TBKBP1: variants seen among roughly 807,000 people sequenced by gnomAD.
The protein encoded by TBKBP1 is TANK-binding kinase 1-binding protein 1.
A neutral mutation model predicts 69.9 loss-of-function variants in TBKBP1; 47 were observed. The observed-to-expected ratio is 0.67, with a 90% CI of 0.53 to 0.86. The LOEUF (loss-of-function observed/expected upper bound fraction) is 0.86. Ranked by LOEUF, TBKBP1 falls within the 40% of genes least tolerant of loss-of-function variation. The pLI is 0.00. For missense variants in TBKBP1, 831 were observed against 858.6 expected (o/e 0.97, Z 0.40); for synonymous variants, 418 against 390.3 (o/e 1.07, Z -0.84).
At chr17:47,707,823 C>T (rs1423437370) in intron 7 of TBKBP1, among the ~76,000 whole-genome samples, 1 of 152,220 alleles carries the variant, frequency 6.6e-6, no homozygotes, top group Non-Finnish European at 1.5e-5. Context: ...GCCAGGAAAC[C>T]ATCTTCACTT....
Position 47,698,697 on chromosome 17 carries a change from C to T in TBKBP1, c.556C>T (p.Pro186Ser), listed in dbSNP as rs765675944. 4 of 1,606,010 alleles carry T rather than the reference C, an allele frequency of 2.5e-6. No homozygotes were observed. The South Asian group carries it at 3.4e-5, about 13-fold the overall frequency. Residue 186 changes from proline to serine, a missense_variant, in exon 5 of 10, where the codon CCG becomes TCG. Physicochemically the swap from Pro to Ser is moderately conservative, Grantham distance 74 (BLOSUM62 -1). Coordinates refer to ENST00000578982, the MANE Select transcript of TBKBP1 (RefSeq NM_001394755.1). ...QDAAFSNLSP[P>S]PAPAPPCTDL... ...TGCAGCCTTCTCCAACCTGAGCCCA[C>T]CGCCAGCCCCCGCCCCTCCCTGCAC...
At position 47,710,905 on chromosome 17, in the gene TBKBP1, C is replaced by T. The variant is rs1369965603; in HGVS notation, c.*279C>T. On this transcript the variant is annotated 3_prime_UTR_variant, in exon 10 of 10. Coordinates refer to ENST00000578982, the MANE Select transcript of TBKBP1 (RefSeq NM_001394755.1). ...ATGGGGACGGCATACCCCTCCCAGG[C>T]CTCTCCCTCTGCCTTTCTGTTCTTA... 2.1e-5 allele frequency: 7 copies of T among 338,580 alleles called. No homozygotes were observed. Among genetic ancestry groups the T allele is most frequent in the African/African-American group, 1.3e-4 (6 of 47,522 alleles). 21.0% of individuals were successfully genotyped at this position (338,580 alleles called of 1,614,324 possible). A position where few individuals can be genotyped will look rare whatever the true frequency, so the allele number is the denominator to read the frequency against.
At chr17:47,696,361 C>A in intron 2 of TBKBP1, 24 bp downstream of exon 2, 6 of 1,607,440 alleles carry the variant, frequency 3.7e-6, no homozygotes, top group Non-Finnish European at 4.2e-6. Context: ...GAGGAGGGCG[C>A]CTGATAGAGT....
chr17:47,709,273 C>T lies in TBKBP1; in HGVS notation c.1540C>T (p.Leu514=), dbSNP rs1257891584. The T allele has an allele frequency of 6.6e-7, 1 of 1,524,430 alleles. No homozygotes were observed. The highest frequency in any genetic ancestry group is 8.7e-7 in the Non-Finnish European group (1 of 1,144,156). The allele number at this position is 1,524,430 out of a possible 1,614,324, so 94.4% of individuals were successfully genotyped here. The change falls in exon 9 of 10, where the codon CTG becomes TTG. Residue 514 remains leucine (L), a synonymous_variant. Coordinates refer to ENST00000578982, the MANE Select transcript of TBKBP1 (RefSeq NM_001394755.1). ...GCGGCGCGCCTTCGAGGGCATCCGG[C>T]TGCGCTTCGAGAAGCAGCCGTCGGA... The part of the protein sequence containing the change: ...SPRRAFEGIR[L]RFEKQPSEED...
intron 7 of TBKBP1, among the ~76,000 whole-genome samples, chr17:47,701,388 C>G (rs1306000737): frequency 6.6e-6 from 1 of 152,174 alleles, no homozygotes; most frequent in Admixed American, 6.5e-5. Context: ...CTCTCTCTCT[C>G]TCTCTCTCAC....
chr17:47,696,233 C>T lies in TBKBP1; in HGVS notation c.121C>T (p.His41Tyr). The change falls in exon 2 of 10, where the codon CAC (histidine) becomes TAC (tyrosine). Residue 41 changes from histidine (H) to tyrosine (Y), a missense_variant. Physicochemically the swap from His to Tyr is moderately conservative, Grantham distance 83 (BLOSUM62 2). Transcript: ENST00000578982. Reference protein sequence around the residue: ...SLGGDMCSASHFALITAYGDI... With the variant: ...SLGGDMCSASYFALITAYGDI... Reference sequence around the variant, plus strand: ...TGGGGGCGACATGTGCTCCGCCTCCCACTTTGCCCTCATCACTGCTTACGG... The same window carrying T: ...TGGGGGCGACATGTGCTCCGCCTCCTACTTTGCCCTCATCACTGCTTACGG... The T allele has an allele frequency of 6.2e-7, 1 of 1,613,766 alleles. No homozygotes were observed. The highest frequency in any genetic ancestry group is 1.7e-5 in the Admixed American group (1 of 60,024).
At position 47,698,650 on chromosome 17, in the gene TBKBP1, G is replaced by A. The variant is rs181655124; in HGVS notation, c.509G>A (p.Arg170Gln). 269 of 1,602,570 alleles carry A rather than the reference G, an allele frequency of 1.7e-4. No homozygotes were observed. In the East Asian group the frequency reaches 4.3e-3, roughly 25 times the overall value. The change falls in exon 5 of 10, where the codon CGG becomes CAG. Residue 170 changes from arginine (R) to glutamine (Q), a missense_variant. Physicochemically the swap from Arg to Gln is conservative, Grantham distance 43 (BLOSUM62 1). Transcript: ENST00000578982. ...ATCTGTGGTTTGGAGCAGCAGCTGC[G>A]GCAACAGCAAGGCCTCCAGGATGCA... ...RQICGLEQQL[R>Q]QQQGLQDAAF...
At chr17:47,694,549 G>T (rs1245325177) in intron 1 of TBKBP1, 1 of 152,190 alleles carries the variant, frequency 6.6e-6, no homozygotes, top group Non-Finnish European at 1.5e-5. Context: ...CTCTTAAAGG[G>T]GCCGCAGGAG....
At chr17:47,699,742 A>G in intron 7 of TBKBP1, 45 bp downstream of exon 7, 1 of 1,603,950 alleles carries the variant, frequency 6.2e-7, no homozygotes, top group African/African-American at 1.4e-5. Context: ...TGTTTGGGAG[A>G]CCTCCCCTCC....
chr17:47,699,217 C>A, intron 5 of TBKBP1, 103 bp from the exon 6 acceptor site: 1 of 1,278,086 alleles, frequency 7.8e-7, no homozygotes, highest in Non-Finnish European at 1.0e-6. Context: ...GCTGTCCTGG[C>A]TTCTCTCTTG....
Position 47,710,870 on chromosome 17 carries a change from T to A in TBKBP1, c.*244T>A. 1 of 456,694 alleles carries A rather than the reference T, an allele frequency of 2.2e-6. No individual in the cohort carries two copies. The highest frequency in any genetic ancestry group is 3.9e-6 in the Non-Finnish European group (1 of 259,700). The allele number at this position is 456,694 out of a possible 1,614,324, so 28.3% of individuals were successfully genotyped here. A position where few individuals can be genotyped will look rare whatever the true frequency, so the allele number is the denominator to read the frequency against. On this transcript the variant is annotated 3_prime_UTR_variant, in exon 10 of 10. Coordinates refer to ENST00000578982, the MANE Select transcript of TBKBP1 (RefSeq NM_001394755.1). The stretch of plus-strand genomic sequence containing the variant: ...TGGTTTCTGCTTAGGAGGTGGGGAC[T>A]TGGGCTGGGATGGGGACGGCATACC...
At chr17:47,694,949 A>G (rs1358158090) in intron 1 of TBKBP1, among the ~76,000 whole-genome samples, 1 of 151,634 alleles carries the variant, frequency 6.6e-6, no homozygotes, top group Non-Finnish European at 1.5e-5. Context: ...AAGCTCCTGC[A>G]GCCCGACCTG....
intron 6 of TBKBP1, 51 bp from the exon 7 acceptor site, chr17:47,699,585 G>C (rs1048101791): frequency 2.5e-6 from 4 of 1,613,846 alleles, no homozygotes; most frequent in East Asian, 2.2e-5. Flanking sequence ...TGTAGACAAG[G>C]GCCCTGGCAG....
Position 47,708,439 on chromosome 17 carries a change from C to T in TBKBP1, c.918C>T (p.Gly306=), listed in dbSNP as rs1195663964. ...LAYTELTEEL[G]RLRELSSLQG... ...ACACCGAGCTGACGGAGGAGCTGGG[C>T]CGGCTTCGGGAGTTGAGTTCCCTAC... Residue 306 remains glycine, a synonymous_variant, in exon 8 of 10, where the codon GGC becomes GGT. Transcript: ENST00000578982. The surrounding 1 kb of genome is among the most constrained non-coding windows in gnomAD (Gnocchi z 4.4). 2.5e-6 allele frequency: 4 copies of T among 1,613,900 alleles called. No homozygotes were observed. The highest frequency in any genetic ancestry group is 8.5e-7 in the Non-Finnish European group (1 of 1,179,820).
Position 47,699,386 on chromosome 17 carries a change from A to T in TBKBP1, c.701A>T (p.Glu234Val), listed in dbSNP as rs1168028505. 6.4e-7 allele frequency: 1 copy of T among 1,564,176 alleles called. No homozygotes were observed. The highest frequency in any genetic ancestry group is 8.6e-7 in the Non-Finnish European group (1 of 1,160,306). ...LERRRLEEAL[E>V]AAQGEARGAQ... The stretch of plus-strand genomic sequence containing the variant: ...CGGCGGCGGCTAGAAGAGGCTTTGG[A>T]GGCCGCGCAGGGAGAGGCCCGGGGG... The change falls in exon 6 of 10, where the codon GAG becomes GTG. Residue 234 changes from glutamate to valine, a missense_variant. By Grantham distance (121) the Glu-to-Val change is moderately radical. Coordinates refer to ENST00000578982, the MANE Select transcript of TBKBP1 (RefSeq NM_001394755.1).
At chr17:47,698,832 C>A (rs563749282) in intron 5 of TBKBP1, 57 bp downstream of exon 5, 79 of 1,415,292 alleles carry the variant, frequency 5.6e-5, no homozygotes, top group Non-Finnish European at 7.3e-5. Flanking sequence ...TTTCAACATT[C>A]CTAGACACCT....
chr17:47,708,774 C>T lies in TBKBP1; in HGVS notation c.1041C>T (p.Cys347=). ...LSQRHSPAPQ[C]PSPSPPARAA... is the part of the protein sequence containing the mutation. ...AACGCCACTCCCCGGCCCCCCAGTG[C>T]CCCTCCCCCTCCCCGCCTGCCCGAG... Residue 347 remains cysteine (C), a synonymous_variant, in exon 9 of 10, where the codon TGC becomes TGT. Coordinates refer to ENST00000578982, the MANE Select transcript of TBKBP1 (RefSeq NM_001394755.1). This position sits in a 1 kb window ranked among gnomAD's most constrained non-coding sequence, Gnocchi z 4.4. 4 of 588,744 alleles carry T rather than the reference C, an allele frequency of 6.8e-6. No homozygotes were observed. The highest frequency in any genetic ancestry group is 8.6e-6 in the Non-Finnish European group (3 of 349,420). 36.5% of individuals were successfully genotyped at this position (588,744 alleles called of 1,614,324 possible).
intron 6 of TBKBP1, 65 bp downstream of exon 6, chr17:47,699,560 A>G (rs1173831660): frequency 8.1e-6 from 13 of 1,613,434 alleles, no homozygotes; most frequent in Non-Finnish European, 1.1e-5. Flanking sequence ...CTGTGTGCAG[A>G]CTGGCCCAGG....
At chr17:47,694,342 G>T (rs988981352) in intron 1 of TBKBP1, 148 bp downstream of exon 1, 1 of 151,760 alleles carries the variant, frequency 6.6e-6, no homozygotes, top group African/African-American at 2.4e-5. Flanking sequence ...GGTGTCGGCC[G>T]CCCTCATCCC....
Sources: allele counts gnomAD v4.1 joint callset (sites outside exome capture counted in the v4.1 genomes callset), GRCh38; gene constraint gnomAD v4.1.1; non-coding constraint Gnocchi (gnomAD v3.1); transcripts MANE v1.5; gene names NCBI Gene and HGNC (gene_info 2026-07-23, HGNC 2026-07-21).